Variants in TBC1D1 observed in about 807,000 individuals in gnomAD.
The protein encoded by TBC1D1 is TBC1 (tre-2/USP6, BUB2, cdc16) domain family, member 1.
In TBC1D1, 89 loss-of-function variants were observed where a neutral mutation model predicts 125.6. That is an observed-to-expected ratio of 0.71 (90% CI 0.60 to 0.85). The LOEUF is 0.85. Ranked by LOEUF, TBC1D1 falls within the 40% of genes least tolerant of loss-of-function variation. TBC1D1 has a pLI of 0.00. For missense variants in TBC1D1, 1,377 were observed against 1,469.2 expected, an observed-to-expected ratio of 0.94 and a Z score of 1.03; for synonymous variants, 565 against 564.1, an observed-to-expected ratio of 1.00 and a Z score of -0.02.
At chr4:37,909,577 G>GC (rs1260693677) in intron 2 of TBC1D1, among the ~76,000 whole-genome samples, 3 of 152,090 alleles carry the variant, frequency 2.0e-5, no homozygotes, top group Non-Finnish European at 4.4e-5. Flanking sequence ...ACAACACAGA[G>GC]CTAGAGCATT....
At chr4:38,135,769 A>C (rs1456910799) in intron 19 of TBC1D1, among the ~76,000 whole-genome samples, 1 of 152,162 alleles carries the variant, frequency 6.6e-6, no homozygotes, top group African/African-American at 2.4e-5. Flanking sequence ...CCAGAGCTAG[A>C]CTTCGAGTCA....
At chr4:38,060,779 T>G in intron 12 of TBC1D1, 1 of 541,350 alleles carries the variant, frequency 1.8e-6, no homozygotes, top group East Asian at 7.8e-5. Flanking sequence ...GCTTGGAGTC[T>G]TCTGGAAATC....
At chr4:37,912,718 C>T (rs1718878846) in intron 2 of TBC1D1, among the ~76,000 whole-genome samples, 1 of 152,228 alleles carries the variant, frequency 6.6e-6, no homozygotes, top group African/African-American at 2.4e-5. Context: ...AGCCCTGCTT[C>T]CTTCTTCTAC....
rs868416348 is a variant in TBC1D1, at chr4:38,049,614, C to T, written c.1630-4C>T. 6 of 1,600,328 alleles carry T rather than the reference C, an allele frequency of 3.7e-6. No individual in the cohort carries two copies. The South Asian group carries it at 4.5e-5, about 12-fold the overall frequency. ...TGTCTGATCTGCTGTGTGTTTGCTC[C>T]CAGGAGCCATCTGTGTGTGAAAAGG... On this transcript the variant is annotated splice_region_variant and splice_polypyrimidine_tract_variant and intron_variant, in intron 10 of 19. Transcript: ENST00000261439.
At chr4:38,119,980 T>C in intron 17 of TBC1D1, 3 of 985,374 alleles carry the variant, frequency 3.0e-6, no homozygotes, top group Non-Finnish European at 2.4e-6. Context: ...GGCTCATAAA[T>C]GGGTAAAAAG....
At chr4:38,069,504 G>T (rs1754324493) in intron 12 of TBC1D1, among the ~76,000 whole-genome samples, 1 of 152,182 alleles carries the variant, frequency 6.6e-6, no homozygotes, top group African/African-American at 2.4e-5. Context: ...GGTAAAGGCT[G>T]GGAACTAGGA....
intron 7 of TBC1D1, among the ~76,000 whole-genome samples, chr4:38,028,564 C>T (rs1295282115): frequency 1.3e-5 from 2 of 152,250 alleles, no homozygotes; most frequent in African/African-American, 4.8e-5. Context: ...TAAGCTTTCA[C>T]AGTCTCATAG....
At chr4:38,052,194 T>TGTGTGTGTGTGTGTGCGCGC in intron 11 of TBC1D1, 134 bp downstream of exon 12, 1 of 564,460 alleles carries the variant, frequency 1.8e-6, no homozygotes, top group African/African-American at 2.0e-5. Context: ...TGTGTGTGTG[T>TGTGTGTGTGTGTGTGCGCGC]GCGCGCGCGT....
chr4:37,948,498 A>G (rs1029649304), intron 2 of TBC1D1, among the ~76,000 whole-genome samples: 17 of 152,008 alleles, frequency 1.1e-4, no homozygotes, highest in Non-Finnish European at 2.5e-4. Flanking sequence ...GTGGTGGCGC[A>G]TGCCTGTAAT....
chr4:38,110,358 A>T, intron 15 of TBC1D1: 1 of 984,998 alleles, frequency 1.0e-6, no homozygotes. Context: ...GTGCAGGTTT[A>T]ACAAGCCCCC....
intron 2 of TBC1D1, among the ~76,000 whole-genome samples, chr4:37,966,079 A>G (rs1447000563): frequency 6.6e-6 from 1 of 152,002 alleles, no homozygotes; most frequent in African/African-American, 2.4e-5. Context: ...ATTTCACAAC[A>G]TGCCTGAGGG....
chr4:38,056,735 G>A (rs1578467823), intron 12 of TBC1D1, among the ~76,000 whole-genome samples: 1 of 152,312 alleles, frequency 6.6e-6, no homozygotes, highest in Middle Eastern at 3.4e-3. Context: ...TTGAGCCCAG[G>A]AGTTTGAGTT....
intron 11 of TBC1D1, among the ~76,000 whole-genome samples, chr4:38,052,726 G>GCA (rs1246402585): frequency 0.018 from 1,217 of 68,960 alleles, 14 homozygotes; most frequent in East Asian, 0.068. Flanking sequence ...GCGCGCGCGC[G>GCA]CGCACACACA....
intron 15 of TBC1D1, among the ~76,000 whole-genome samples, chr4:38,103,762 A>G (rs1399807840): frequency 6.6e-6 from 1 of 152,236 alleles, no homozygotes; most frequent in African/African-American, 2.4e-5. Context: ...AAGAAAAATC[A>G]ATGAAAACTA....
At chr4:38,065,672 G>A (rs1211977148) in intron 12 of TBC1D1, among the ~76,000 whole-genome samples, 1 of 128,656 alleles carries the variant, frequency 7.8e-6, no homozygotes, top group Non-Finnish European at 1.6e-5. Context: ...TTGAGACAGA[G>A]TCTTGCTCTA....
intron 2 of TBC1D1, among the ~76,000 whole-genome samples, chr4:37,923,771 C>T (rs1024328832): frequency 4.0e-5 from 6 of 151,894 alleles, no homozygotes; most frequent in African/African-American, 1.4e-4. Flanking sequence ...CCTCCGCCTC[C>T]CAGGTTCAAG....
chr4:38,102,953 G>T, intron 14 of TBC1D1, 46 bp from the exon 17 acceptor site: 1 of 1,545,326 alleles, frequency 6.5e-7, no homozygotes, highest in Non-Finnish European at 8.8e-7. Context: ...TTATTAAGTT[G>T]TATTCTGTGC....
intron 2 of TBC1D1, among the ~76,000 whole-genome samples, chr4:38,003,014 C>A (rs1006214799): frequency 6.6e-6 from 1 of 152,192 alleles, no homozygotes; most frequent in African/African-American, 2.4e-5. Flanking sequence ...TTAGCCCTTA[C>A]AGAAAAGTAG....
chr4:37,891,508 G>C (rs904047568), intron 1 of TBC1D1, among the ~76,000 whole-genome samples, 160 bp downstream of exon 1: 1 of 151,470 alleles, frequency 6.6e-6, no homozygotes, highest in Non-Finnish European at 1.5e-5. Context: ...GGGGGAGGAA[G>C]TTCATTGCCA....
Sources: allele counts gnomAD v4.1 joint callset (sites outside exome capture counted in the v4.1 genomes callset), GRCh38; gene constraint gnomAD v4.1.1; transcripts MANE v1.5; gene names NCBI Gene and HGNC (gene_info 2026-07-23, HGNC 2026-07-21).